The following SNX30 variants were observed in gnomAD, a reference collection of about 807,000 sequenced individuals.
SNX30 encodes the protein sorting nexin-30.
SNX30 carries 24 observed loss-of-function variants against 46.4 expected under a neutral mutation model. The observed-to-expected ratio is 0.52, with a 90% CI of 0.37 to 0.73. The LOEUF (loss-of-function observed/expected upper bound fraction) is 0.73. Among genes scored for constraint, SNX30 ranks in the 30% least tolerant of loss-of-function variants. The pLI is 0.00. For missense variants in SNX30, 533 were observed against 555.7 expected (o/e 0.96, Z 0.41); for synonymous variants, 189 against 211.5 (o/e 0.89, Z 0.92).
chr9:112,782,974 G>T (rs1231465203), intron 1 of SNX30, among the ~76,000 whole-genome samples: 2 of 152,216 alleles, frequency 1.3e-5, no homozygotes, highest in Non-Finnish European at 2.9e-5. Flanking sequence ...TGGTACTTTG[G>T]GTTGGATCTT....
intron 7 of SNX30, among the ~76,000 whole-genome samples, chr9:112,861,859 C>T (rs564211127): frequency 1.2e-4 from 19 of 152,308 alleles, no homozygotes; most frequent in South Asian, 1.0e-3. Context: ...CCATGAGGCC[C>T]GATCTTCCCA....
intron 1 of SNX30, among the ~76,000 whole-genome samples, chr9:112,778,716 T>G (rs939755931): frequency 6.6e-6 from 1 of 152,200 alleles, no homozygotes; most frequent in East Asian, 1.9e-4. Flanking sequence ...AGGACCTTCC[T>G]TTGAAAAATA....
intron 1 of SNX30, among the ~76,000 whole-genome samples, chr9:112,752,088 C>T (rs538202088): frequency 1.3e-5 from 2 of 152,182 alleles, no homozygotes; most frequent in Non-Finnish European, 2.9e-5. Context: ...TAAATGAATT[C>T]CCCCTTGTCC....
At chr9:112,832,129 T>A (rs1840668525) in intron 4 of SNX30, among the ~76,000 whole-genome samples, 1 of 152,210 alleles carries the variant, frequency 6.6e-6, no homozygotes, top group African/African-American at 2.4e-5. Flanking sequence ...GCATTGAGCC[T>A]TATTGATGAC....
intron 3 of SNX30, among the ~76,000 whole-genome samples, chr9:112,829,397 G>A (rs1840627900): frequency 6.6e-6 from 1 of 152,290 alleles, no homozygotes; most frequent in East Asian, 1.9e-4. Flanking sequence ...TCAGCCTCCT[G>A]AATAGTTGGG....
chr9:112,794,792 C>T (rs1588118785), intron 1 of SNX30, among the ~76,000 whole-genome samples: 1 of 152,168 alleles, frequency 6.6e-6, no homozygotes, highest in East Asian at 1.9e-4. Context: ...GCTGGCTGAC[C>T]ATAATGGTGT....
chr9:112,865,661 A>ATATATGTGTGTGTGTGTGTGTG, intron 8 of SNX30, among the ~76,000 whole-genome samples: 4 of 105,700 alleles, frequency 3.8e-5, no homozygotes, highest in Non-Finnish European at 5.7e-5. Context: ...ATATATATAT[A>ATATATGTGTGTGTGTGTGTGTG]TGTATGTATG....
intron 7 of SNX30, 58 bp from the exon 8 acceptor site, chr9:112,864,189 C>T: frequency 1.3e-6 from 2 of 1,585,974 alleles, no homozygotes; most frequent in East Asian, 4.5e-5. Flanking sequence ...CAGAGGAGCT[C>T]AAGGCAAGAG....
chr9:112,865,740 AGT>A, intron 8 of SNX30, among the ~76,000 whole-genome samples: 1 of 141,638 alleles, frequency 7.1e-6, no homozygotes, highest in South Asian at 2.3e-4. Context: ...TACACACATG[AGT>A]GAGTGTGTGT....
chr9:112,836,376 C>A lies in SNX30; in HGVS notation c.781C>A (p.Arg261=). ...TFALKLGTID[R]IAQRIIKEEI... is the part of the protein sequence containing the mutation. The stretch of plus-strand genomic sequence containing the variant: ...TGCACTCAAACTGGGAACCATTGAT[C>A]GAATAGCCCAGCGGATCATCAAAGA... Residue 261 remains arginine (R), a synonymous_variant, in exon 5 of 9, where the codon CGA becomes AGA. Transcript: ENST00000374232. 1 of 1,604,270 alleles carries A rather than the reference C, an allele frequency of 6.2e-7. No homozygotes were observed. The highest frequency in any genetic ancestry group is 1.3e-5 in the African/African-American group (1 of 74,918).
chr9:112,832,471 T>A (rs1307528438), intron 4 of SNX30, among the ~76,000 whole-genome samples: 26 of 100,546 alleles, frequency 2.6e-4, no homozygotes, highest in Admixed American at 3.1e-4. Flanking sequence ...TGTGTGTGTG[T>A]GTGTGTGTGT....
intron 1 of SNX30, among the ~76,000 whole-genome samples, chr9:112,763,698 A>C (rs1001337618): frequency 1.3e-5 from 2 of 151,844 alleles, no homozygotes; most frequent in Non-Finnish European, 2.9e-5. Context: ...AAAATACAAA[A>C]ATTAGCTGGG....
chr9:112,828,698 G>A (rs1840614400), intron 3 of SNX30, among the ~76,000 whole-genome samples: 1 of 152,112 alleles, frequency 6.6e-6, no homozygotes, highest in African/African-American at 2.4e-5. Context: ...AAGTTGAGTG[G>A]TAGATTAATA....
intron 2 of SNX30, among the ~76,000 whole-genome samples, chr9:112,808,621 AAAG>A (rs1368204442): frequency 1.3e-5 from 2 of 152,234 alleles, no homozygotes; most frequent in African/African-American, 4.8e-5. Context: ...TGTAGAAAAA[AAAG>A]AAAGTTCAAG....
chr9:112,793,947 A>G (rs1840066669), intron 1 of SNX30, among the ~76,000 whole-genome samples: 1 of 152,094 alleles, frequency 6.6e-6, no homozygotes, highest in Non-Finnish European at 1.5e-5. Flanking sequence ...GTCACATTAC[A>G]CATACAAACA....
At chr9:112,823,441 G>A (rs547867528) in intron 3 of SNX30, among the ~76,000 whole-genome samples, 11 of 152,242 alleles carry the variant, frequency 7.2e-5, no homozygotes, top group South Asian at 4.1e-4. Flanking sequence ...TTTCTGCTTC[G>A]GTATTTGTTC....
chr9:112,757,355 G>A (rs1839367228), intron 1 of SNX30, among the ~76,000 whole-genome samples: 1 of 152,204 alleles, frequency 6.6e-6, no homozygotes, highest in Non-Finnish European at 1.5e-5. Context: ...ATAATATTCA[G>A]TTTTGTGTGT....
Position 112,817,701 on chromosome 9 carries a change from G to A in SNX30, c.349-4G>A, listed in dbSNP as rs777999284. ...CTTATTTTTTTCCATTCTCTTCTTT[G>A]CAGAGTACTCGGGTGGAGTTTGACC... On this transcript the variant is annotated splice_region_variant and splice_polypyrimidine_tract_variant and intron_variant, in intron 2 of 8. Coordinates refer to ENST00000374232, the MANE Select transcript of SNX30 (RefSeq NM_001012994.2). 1 of 1,554,418 alleles carries A rather than the reference G, an allele frequency of 6.4e-7. No homozygotes were observed. The highest frequency in any genetic ancestry group is 8.9e-7 in the Non-Finnish European group (1 of 1,125,984).
At chr9:112,790,512 T>C (rs534749958) in intron 1 of SNX30, among the ~76,000 whole-genome samples, 2 of 152,276 alleles carry the variant, frequency 1.3e-5, no homozygotes, top group East Asian at 3.9e-4. Flanking sequence ...GGTGGAAGCA[T>C]GCGTTGGCTC....
Sources: gnomAD v4.1 joint callset for allele counts (sites outside exome capture counted in the v4.1 genomes callset) on GRCh38, gnomAD v4.1.1 for gene constraint, MANE v1.5 for transcripts, NCBI Gene and HGNC (gene_info 2026-07-23, HGNC 2026-07-21) for gene names.